PRKAG1: variants seen among roughly 807,000 people sequenced by gnomAD.
PRKAG1 encodes 5'-AMP-activated protein kinase subunit gamma-1.
PRKAG1 carries 27 observed loss-of-function variants against 48.2 expected under a neutral mutation model. The observed-to-expected ratio is 0.56, with a 90% CI of 0.41 to 0.77. The LOEUF (loss-of-function observed/expected upper bound fraction) is 0.77, where lower values mean the gene tolerates loss of function less well. PRKAG1 is among the 30% of genes least tolerant of loss of function. PRKAG1 has a pLI of 0.00. For missense variants in PRKAG1, 287 were observed against 398.3 expected, an observed-to-expected ratio of 0.72 and a Z score of 2.38; for synonymous variants, 130 against 147.7, an observed-to-expected ratio of 0.88 and a Z score of 0.87.
chr12:49,006,152 A>T (rs1318636918), intron 2 of PRKAG1, among the ~76,000 whole-genome samples: 1 of 152,168 alleles, frequency 6.6e-6, no homozygotes, highest in East Asian at 1.9e-4. Context: ...ATAGTCTAAA[A>T]ATGTTTCTCA....
At chr12:49,017,717 C>T (rs900568331) in intron 1 of PRKAG1, 1 of 152,502 alleles carries the variant, frequency 6.6e-6, no homozygotes, top group African/African-American at 2.4e-5. Flanking sequence ...TCAGAATTGG[C>T]TCCCTTGCCT....
intron 7 of PRKAG1, 155 bp downstream of exon 7, chr12:49,004,809 G>A: frequency 8.1e-7 from 1 of 1,233,576 alleles, no homozygotes; most frequent in Admixed American, 1.9e-5. Flanking sequence ...GAGAGAGAGA[G>A]AGACTGTGTG....
chr12:49,005,721 G>C lies in PRKAG1; in HGVS notation c.168+22C>G. ...TAAACCACAGGCTCCAAAGGGGGAA[G>C]GGAAAAGAGGATTTCACCCACCTGC... is the stretch of plus-strand genomic sequence containing the variant. On this transcript the variant is annotated intron_variant, in intron 3 of 11. Transcript: ENST00000548065. This position sits in a 1 kb window ranked among gnomAD's most constrained non-coding sequence, Gnocchi z 4.1. 1 of 1,609,472 alleles carries C rather than the reference G, an allele frequency of 6.2e-7. No individual in the cohort carries two copies. The highest frequency in any genetic ancestry group is 8.5e-7 in the Non-Finnish European group (1 of 1,175,936).
intron 2 of PRKAG1, among the ~76,000 whole-genome samples, chr12:49,010,386 C>G (rs543289105): frequency 1.3e-5 from 2 of 152,284 alleles, no homozygotes; most frequent in East Asian, 3.9e-4. Context: ...AAGGATTATT[C>G]AATTTCATGC....
At chr12:49,008,742 T>C (rs1375664086) in intron 2 of PRKAG1, 1 of 152,220 alleles carries the variant, frequency 6.6e-6, no homozygotes, top group Non-Finnish European at 1.5e-5. Context: ...CTGCAGAATG[T>C]TGAAGGCATT....
At chr12:49,007,568 T>C (rs746279691) in intron 2 of PRKAG1, among the ~76,000 whole-genome samples, 13 of 152,170 alleles carry the variant, frequency 8.5e-5, no homozygotes, top group East Asian at 7.7e-4. Flanking sequence ...TAAGAAAAAA[T>C]TGCACTCCTT....
intron 1 of PRKAG1, chr12:49,016,728 C>T (rs2137687024): frequency 6.4e-6 from 1 of 155,896 alleles, no homozygotes; most frequent in East Asian, 1.9e-4. Flanking sequence ...ACTTTCATCC[C>T]CATTAACAAG....
At chr12:49,015,766 C>T (rs779946843) in intron 1 of PRKAG1, among the ~76,000 whole-genome samples, 7 of 151,996 alleles carry the variant, frequency 4.6e-5, no homozygotes, top group South Asian at 2.1e-4. Context: ...TTAGTAGAGA[C>T]GGGGTTTCAC....
rs777059418 is a variant in PRKAG1 at position 49,005,815 on chromosome 12, G to A, written c.96C>T (p.Phe32=). The part of the protein sequence containing the change: ...PESNNSVYTS[F]MKSHRCYDLI... ...GGTCATAGCAGCGATGAGACTTCAT[G>A]AAGGAAGTATACACGCTATTGTTGG... is the stretch of plus-strand genomic sequence containing the variant. Residue 32 remains phenylalanine, a synonymous_variant, in exon 3 of 12, where the codon TTC becomes TTT. Transcript: ENST00000548065. This position sits in a 1 kb window ranked among gnomAD's most constrained non-coding sequence, Gnocchi z 4.1. The A allele has an allele frequency of 2.5e-6, 4 of 1,613,662 alleles. No homozygotes were observed. Among genetic ancestry groups the A allele is most frequent in the Non-Finnish European group, 3.4e-6 (4 of 1,179,726 alleles).
At chr12:49,013,024 T>G in intron 2 of PRKAG1, 38 bp downstream of exon 2, 1 of 1,570,170 alleles carries the variant, frequency 6.4e-7, no homozygotes, top group Non-Finnish European at 8.8e-7. Context: ...GTCAGGCTAT[T>G]GTTTTCATGC....
chr12:49,003,311 G>A, intron 10 of PRKAG1, 21 bp from the exon 11 acceptor site: 1 of 1,613,772 alleles, frequency 6.2e-7, no homozygotes, highest in Non-Finnish European at 8.5e-7. Context: ...AGAGGAAGGA[G>A]CTTGCAGGGA....
In PRKAG1 at chr12:49,005,689, G is replaced by A; in HGVS notation, c.168+54C>T. On this transcript the variant is annotated intron_variant, in intron 3 of 11. Transcript: ENST00000548065. This position sits in a 1 kb window ranked among gnomAD's most constrained non-coding sequence, Gnocchi z 4.1. ...TTACCCTTAGGATGAGATAGGATGA[G>A]AGGTATTAAACCACAGGCTCCAAAG... 6.2e-7 allele frequency: 1 copy of A among 1,607,654 alleles called. No homozygotes were observed. The highest frequency in any genetic ancestry group is 8.5e-7 in the Non-Finnish European group (1 of 1,174,356).
Position 49,004,652 on chromosome 12 carries a change from T to C in PRKAG1, c.411-19A>G. The C allele has an allele frequency of 3.1e-6, 5 of 1,613,572 alleles. No homozygotes were observed. The highest frequency in any genetic ancestry group is 4.2e-6 in the Non-Finnish European group (5 of 1,179,918). On this transcript the variant is annotated intron_variant, in intron 7 of 11. Coordinates refer to ENST00000548065, the MANE Select transcript of PRKAG1 (RefSeq NM_002733.5). ...AAACAAGCTGTGAGAGGGTGGGAGA[T>C]AATAAGTTCCACAGTGCTGGGGCTG...
chr12:49,004,339 C>T (rs911026178), intron 8 of PRKAG1, 168 bp downstream of exon 8: 2 of 797,330 alleles, frequency 2.5e-6, no homozygotes, highest in Non-Finnish European at 2.0e-6. Context: ...TGCAGTGGCT[C>T]ACACCTGTAA....
At chr12:49,014,750 G>A (rs1941901680) in intron 1 of PRKAG1, among the ~76,000 whole-genome samples, 1 of 152,250 alleles carries the variant, frequency 6.6e-6, no homozygotes, top group Non-Finnish European at 1.5e-5. Context: ...CCCTTCCCAA[G>A]ATAGTCTGAG....
chr12:49,010,643 T>C (rs755765136), intron 2 of PRKAG1, among the ~76,000 whole-genome samples: 1 of 152,198 alleles, frequency 6.6e-6, no homozygotes. Flanking sequence ...CAATGCTTCT[T>C]GGCTTTCCTC....
chr12:49,015,382 A>T (rs903290607), intron 1 of PRKAG1, among the ~76,000 whole-genome samples: 9 of 152,242 alleles, frequency 5.9e-5, no homozygotes, highest in Non-Finnish European at 1.0e-4. Flanking sequence ...TATACTTTGT[A>T]TCTCCCATAC....
chr12:49,002,801 A>G lies in PRKAG1; in HGVS notation c.*98T>C. ...GCAGGGGACCCTGAACAGGGAACAG[A>G]GTCACAATTCCCTCAAGTTTCATCT... On this transcript the variant is annotated 3_prime_UTR_variant, in exon 12 of 12. Coordinates refer to ENST00000548065, the MANE Select transcript of PRKAG1 (RefSeq NM_002733.5). 8.7e-7 allele frequency: 1 copy of G among 1,145,086 alleles called. No individual in the cohort carries two copies. The highest frequency in any genetic ancestry group is 1.3e-6 in the Non-Finnish European group (1 of 779,626). The allele number at this position is 1,145,086 out of a possible 1,614,324, so 70.9% of individuals were successfully genotyped here.
In PRKAG1 at chr12:49,003,023, A is replaced by T; in HGVS notation, c.889-17T>A. 2 of 1,613,494 alleles carry T rather than the reference A, an allele frequency of 1.2e-6. No homozygotes were observed. The highest frequency in any genetic ancestry group is 1.7e-6 in the Non-Finnish European group (2 of 1,179,496). On this transcript the variant is annotated splice_polypyrimidine_tract_variant and intron_variant, in intron 11 of 11. Coordinates refer to ENST00000548065, the MANE Select transcript of PRKAG1 (RefSeq NM_002733.5). ...TCGGTGAACCTGGCACAGAGCAACA[A>T]GGGAGAAAGGGAATGTTTAGTGCTG...
Sources: allele counts gnomAD v4.1 joint callset (sites outside exome capture counted in the v4.1 genomes callset), GRCh38; gene constraint gnomAD v4.1.1; non-coding constraint Gnocchi (gnomAD v3.1); transcripts MANE v1.5; gene names NCBI Gene and HGNC (gene_info 2026-07-23, HGNC 2026-07-21).